KIRREL3: variants seen among roughly 807,000 people sequenced by gnomAD.
The protein encoded by KIRREL3 is kirre like nephrin family adhesion molecule 3.
In KIRREL3, 36 loss-of-function variants were observed where a neutral mutation model predicts 89.7. The observed-to-expected ratio is 0.40, with a 90% CI of 0.31 to 0.53. KIRREL3 has a LOEUF of 0.53. KIRREL3 is among the 20% of genes least tolerant of loss of function. The pLI is 0.49. For missense variants in KIRREL3, 864 were observed against 1,056.6 expected (o/e 0.82, Z 2.53); for synonymous variants, 445 against 441.4 (o/e 1.01, Z -0.10).
In KIRREL3 at chr11:126,769,819, G is replaced by T. The variant is rs947787803; in HGVS notation, c.56-206907C>A. Among the ~76,000 whole-genome samples the T allele has an allele frequency of 1.3e-5, 2 of 152,168 alleles. No individual in the cohort carries two copies. The highest frequency in any genetic ancestry group is 6.5e-5 in the Admixed American group (1 of 15,282). On this transcript the variant is annotated intron_variant, in intron 1 of 16. Coordinates refer to ENST00000525144, the MANE Select transcript of KIRREL3 (RefSeq NM_032531.4). The surrounding 1 kb of genome is among the most constrained non-coding windows in gnomAD (Gnocchi z 4.3). Reference sequence around the variant, plus strand: ...GGGTCTGAATATTGGCCCTGATGAGGTGTAGAATCTTGTGCAACCTGCTCA... The same window carrying T: ...GGGTCTGAATATTGGCCCTGATGAGTTGTAGAATCTTGTGCAACCTGCTCA...
rs371672327 is a variant in KIRREL3, at chr11:126,445,009, C to T, written c.1222G>A (p.Gly408Arg). 13 of 1,613,698 alleles carry T rather than the reference C, an allele frequency of 8.1e-6. No homozygotes were observed. The highest frequency in any genetic ancestry group is 4.4e-5 in the South Asian group (4 of 91,076). ...CRAVVPRVGA[G>R]EREVTLTVNG... ...ACGGTCAGGGTCACCTCTCTCTCCC[C>T]GGCTCCCACACGGGGCACCACAGCC... Residue 408 changes from glycine (G) to arginine (R), a missense_variant, in exon 10 of 17, where the codon GGG becomes AGG. Coordinates refer to ENST00000525144, the MANE Select transcript of KIRREL3 (RefSeq NM_032531.4).
intron 1 of KIRREL3, among the ~76,000 whole-genome samples, chr11:126,597,732 G>A (rs967767239): frequency 5.9e-5 from 9 of 152,180 alleles, no homozygotes; most frequent in Non-Finnish European, 1.3e-4. Flanking sequence ...TCCCTGACAC[G>A]GAATAAAAGT....
At position 126,708,685 on chromosome 11, in the gene KIRREL3, C is replaced by T. The variant is rs900204089; in HGVS notation, c.56-145773G>A. 6.6e-6 allele frequency among the ~76,000 whole-genome samples: 1 copy of T among 152,202 alleles called. No homozygotes were observed. Among genetic ancestry groups the T allele is most frequent in the African/African-American group, 2.4e-5 (1 of 41,458 alleles). Reference sequence around the variant, plus strand: ...CACCTGGGCACTCCTTGCTGATGGACCGGGACCTCCTCTCCCATTTCTCCG... The same window carrying T: ...CACCTGGGCACTCCTTGCTGATGGATCGGGACCTCCTCTCCCATTTCTCCG... On this transcript the variant is annotated intron_variant, in intron 1 of 16. Transcript: ENST00000525144. This position sits in a 1 kb window ranked among gnomAD's most constrained non-coding sequence, Gnocchi z 5.7.
intron 10 of KIRREL3, among the ~76,000 whole-genome samples, chr11:126,442,002 G>T (rs1207887899): frequency 6.6e-6 from 1 of 152,132 alleles, no homozygotes; most frequent in Non-Finnish European, 1.5e-5. Flanking sequence ...GTCAGGTGCG[G>T]TGGCTCACAC....
intron 1 of KIRREL3, among the ~76,000 whole-genome samples, chr11:126,923,542 C>G (rs1947565126): frequency 6.7e-6 from 1 of 149,136 alleles, no homozygotes; most frequent in Non-Finnish European, 1.5e-5. Context: ...CTCCAGGGTT[C>G]AAGTGATTCT....
At chr11:126,855,059 C>A (rs923907865) in intron 1 of KIRREL3, among the ~76,000 whole-genome samples, 1 of 152,158 alleles carries the variant, frequency 6.6e-6, no homozygotes, top group South Asian at 2.1e-4. Flanking sequence ...GTCATCCCAG[C>A]GGCAGTCTGG....
At position 126,666,189 on chromosome 11, in the gene KIRREL3, G is replaced by C. The variant is rs1239781944; in HGVS notation, c.56-103277C>G. Reference sequence around the variant, plus strand: ...CAGCAGGATCTTGGTTCCGCAGGAAGAGTGTGGATTCTTGGAATGCAATTG... The same window carrying C: ...CAGCAGGATCTTGGTTCCGCAGGAACAGTGTGGATTCTTGGAATGCAATTG... On this transcript the variant is annotated intron_variant, in intron 1 of 16. Transcript: ENST00000525144. The surrounding 1 kb of genome is among the most constrained non-coding windows in gnomAD (Gnocchi z 4.2). Among the ~76,000 whole-genome samples, 3 of 152,216 alleles carry C rather than the reference G, an allele frequency of 2.0e-5. No homozygotes were observed. The highest frequency in any genetic ancestry group is 2.9e-5 in the Non-Finnish European group (2 of 68,050).
In KIRREL3 at chr11:126,570,906, T is replaced by G. The variant is rs1439313513; in HGVS notation, c.56-7994A>C. Among the ~76,000 whole-genome samples, 1 of 152,240 alleles carries G rather than the reference T, an allele frequency of 6.6e-6. No homozygotes were observed. Among genetic ancestry groups the G allele is most frequent in the Non-Finnish European group, 1.5e-5 (1 of 68,040 alleles). ...GGGAAAAAAGACAGCAGTCATTTGC[T>G]GAGCTGCAAGGGACATTTAACTTTT... On this transcript the variant is annotated intron_variant, in intron 1 of 16. Coordinates refer to ENST00000525144, the MANE Select transcript of KIRREL3 (RefSeq NM_032531.4). This position sits in a 1 kb window ranked among gnomAD's most constrained non-coding sequence, Gnocchi z 6.1.
Position 126,991,187 on chromosome 11 carries a change from C to T in KIRREL3, c.55+9268G>A, listed in dbSNP as rs1031287323. Among the ~76,000 whole-genome samples, 3 of 152,172 alleles carry T rather than the reference C, an allele frequency of 2.0e-5. No individual in the cohort carries two copies. The highest frequency in any genetic ancestry group is 4.8e-5 in the African/African-American group (2 of 41,442). On this transcript the variant is annotated intron_variant, in intron 1 of 16. Transcript: ENST00000525144. This position sits in a 1 kb window ranked among gnomAD's most constrained non-coding sequence, Gnocchi z 5.8. ...CTGGTGACCCAAAGGGCATTCAAAG[C>T]CTTCCAGAAAGGAACAACTTCCTGC... is the stretch of plus-strand genomic sequence containing the variant.
At chr11:126,681,045 C>T (rs774884425) in intron 1 of KIRREL3, among the ~76,000 whole-genome samples, 8 of 152,204 alleles carry the variant, frequency 5.3e-5, no homozygotes, top group Non-Finnish European at 1.2e-4. Context: ...ATTTTGGTAA[C>T]TAACCTCCGT....
At chr11:126,444,336 C>T (rs1268253530) in intron 10 of KIRREL3, among the ~76,000 whole-genome samples, 2 of 152,158 alleles carry the variant, frequency 1.3e-5, no homozygotes, top group African/African-American at 4.8e-5. Context: ...GAGATGCTCT[C>T]TTAAATTCTC....
chr11:126,861,078 G>T (rs539395092), intron 1 of KIRREL3, among the ~76,000 whole-genome samples: 1 of 152,232 alleles, frequency 6.6e-6, no homozygotes, highest in African/African-American at 2.4e-5. Flanking sequence ...TAGGGAAAAG[G>T]GCAAAGCTCT....
intron 1 of KIRREL3, among the ~76,000 whole-genome samples, chr11:126,799,717 C>T (rs1405576949): frequency 6.6e-6 from 1 of 152,054 alleles, no homozygotes. Context: ...ATGGCAGAAC[C>T]TTTTCTTCCT....
intron 1 of KIRREL3, among the ~76,000 whole-genome samples, chr11:126,646,322 C>T (rs1319143173): frequency 0.069 from 9 of 130 alleles, no homozygotes; most frequent in Non-Finnish European, 0.092. Flanking sequence ...CTTGTTAGTG[C>T]CTTCCTGCAC....
chr11:126,599,313 C>T (rs1363767699), intron 1 of KIRREL3, among the ~76,000 whole-genome samples: 1 of 152,248 alleles, frequency 6.6e-6, no homozygotes, highest in Non-Finnish European at 1.5e-5. Context: ...ATTGTCCCTG[C>T]TCGGTGTCTT....
intron 1 of KIRREL3, among the ~76,000 whole-genome samples, chr11:126,649,569 G>T (rs1209424566): frequency 6.6e-6 from 1 of 152,202 alleles, no homozygotes; most frequent in Non-Finnish European, 1.5e-5. Flanking sequence ...AAATTGTAAA[G>T]CTGCAAAATG....
intron 4 of KIRREL3, among the ~76,000 whole-genome samples, chr11:126,482,353 T>G (rs1957244528): frequency 6.6e-6 from 1 of 152,238 alleles, no homozygotes; most frequent in African/African-American, 2.4e-5. Context: ...CCTTTCCTTT[T>G]GCTTTGCTAA....
rs1483790842 is a variant in KIRREL3, at chr11:126,527,933, C to A, written c.134-1246G>T. Among the ~76,000 whole-genome samples the A allele has an allele frequency of 6.6e-6, 1 of 152,168 alleles. No individual in the cohort carries two copies. Among genetic ancestry groups the A allele is most frequent in the Non-Finnish European group, 1.5e-5 (1 of 68,034 alleles). ...AGTTGAGTGGACAATGGAACATTGA[C>A]ATTCGCTGAGCATCTGGCCCACAGT... On this transcript the variant is annotated intron_variant, in intron 2 of 16. Coordinates refer to ENST00000525144, the MANE Select transcript of KIRREL3 (RefSeq NM_032531.4). The surrounding 1 kb of genome is among the most constrained non-coding windows in gnomAD (Gnocchi z 4.2).
At position 126,948,612 on chromosome 11, in the gene KIRREL3, G is replaced by C. The variant is rs1369287622; in HGVS notation, c.55+51843C>G. On this transcript the variant is annotated intron_variant, in intron 1 of 16. Coordinates refer to ENST00000525144, the MANE Select transcript of KIRREL3 (RefSeq NM_032531.4). This position sits in a 1 kb window ranked among gnomAD's most constrained non-coding sequence, Gnocchi z 4.5. ...GCATTTAAAAGATCTATGGGACTCA[G>C]TTTCCTTATTCAGAGCTTGACCAGT... 6.6e-6 allele frequency among the ~76,000 whole-genome samples: 1 copy of C among 152,238 alleles called. No homozygotes were observed. The highest frequency in any genetic ancestry group is 2.4e-5 in the African/African-American group (1 of 41,462).
Sources: allele counts gnomAD v4.1 joint callset (sites outside exome capture counted in the v4.1 genomes callset), GRCh38; gene constraint gnomAD v4.1.1; non-coding constraint Gnocchi (gnomAD v3.1); transcripts MANE v1.5; gene names NCBI Gene and HGNC (gene_info 2026-07-23, HGNC 2026-07-21).